Variants in PSTPIP1 observed in about 807,000 individuals in gnomAD.
The protein encoded by PSTPIP1 is proline-serine-threonine phosphatase-interacting protein 1.
Under a neutral mutation model 69.6 loss-of-function variants are expected in PSTPIP1, and 66 were observed. That is an observed-to-expected ratio of 0.95 (90% CI 0.78 to 1.16). The LOEUF is 1.16. Among genes scored for constraint, PSTPIP1 ranks in the 50% most tolerant of loss-of-function variants. PSTPIP1 has a pLI of 0.00. For missense variants in PSTPIP1, 603 were observed against 557.4 expected, an observed-to-expected ratio of 1.08 and a Z score of -0.82; for synonymous variants, 266 against 222.7, an observed-to-expected ratio of 1.19 and a Z score of -1.73.
chr15:77,008,140 T>A (rs938521688), intron 1 of PSTPIP1: 1 of 447,570 alleles, frequency 2.2e-6, no homozygotes, highest in Non-Finnish European at 4.5e-6. Flanking sequence ...CTGCAGTGAA[T>A]ACTAAACGCA....
At chr15:76,994,714 A>G (rs2075537486), upstream of PSTPIP1, 1 of 1,265,898 alleles carries the variant, frequency 7.9e-7, no homozygotes. Context: ...CCCCCAGAGC[A>G]CAGCTGTGTC....
intron 1 of PSTPIP1, among the ~76,000 whole-genome samples, chr15:77,014,586 G>A (rs1352621402): frequency 6.6e-6 from 1 of 152,254 alleles, no homozygotes; most frequent in Non-Finnish European, 1.5e-5. Context: ...GAAGTAAAGT[G>A]GCTTGCTTCA....
chr15:77,023,393 C>A (rs909489637), intron 3 of PSTPIP1, among the ~76,000 whole-genome samples: 2 of 152,048 alleles, frequency 1.3e-5, no homozygotes, highest in African/African-American at 4.8e-5. Context: ...AAGCAACGGG[C>A]GGAGGGGCAG....
At chr15:77,003,425 G>A (rs751120496) in intron 1 of PSTPIP1, among the ~76,000 whole-genome samples, 3 of 152,140 alleles carry the variant, frequency 2.0e-5, no homozygotes, top group Admixed American at 2.0e-4. Context: ...AGGCCGAGGC[G>A]GGTGGATCAT....
chr15:77,032,186 G>T, intron 10 of PSTPIP1, 112 bp from the exon 11 acceptor site: 2 of 1,058,836 alleles, frequency 1.9e-6, no homozygotes, highest in Non-Finnish European at 2.8e-6. Context: ...ACCCCGAGCC[G>T]CGCACAATGG....
chr15:77,012,590 T>C (rs1469725798), intron 1 of PSTPIP1, among the ~76,000 whole-genome samples: 1 of 152,182 alleles, frequency 6.6e-6, no homozygotes, highest in East Asian at 1.9e-4. Context: ...TGCCTCACTT[T>C]GCCAACCAGT....
chr15:77,035,479 C>A, intron 12 of PSTPIP1, 29 bp from the exon 13 acceptor site: 1 of 1,575,324 alleles, frequency 6.3e-7, no homozygotes, highest in Non-Finnish European at 8.6e-7. Context: ...GGGGCGGGGA[C>A]ACTCACCCTC....
chr15:77,009,517 T>C (rs992713903), intron 1 of PSTPIP1, among the ~76,000 whole-genome samples: 2 of 152,158 alleles, frequency 1.3e-5, no homozygotes, highest in African/African-American at 4.8e-5. Flanking sequence ...GAGCCACTAG[T>C]CTAGAGAAGT....
chr15:77,031,052 T>C lies in PSTPIP1; in HGVS notation c.643-128T>C, dbSNP rs114248616. 2.6e-3 allele frequency: 2,315 copies of C among 888,282 alleles called. 42 individuals carry two copies. The African/African-American group carries it at 0.035, about 13-fold the overall frequency. 55.0% of individuals were successfully genotyped at this position (888,282 alleles called of 1,614,324 possible). A position where few individuals can be genotyped will look rare whatever the true frequency, so the allele number is the denominator to read the frequency against. ...GGGATGGGGACCCCAGGGCACTCTC[T>C]CCTTTGGACTGGGCTTCCAGCAGAG... On this transcript the variant is annotated intron_variant, in intron 9 of 14. Coordinates refer to ENST00000558012, the MANE Select transcript of PSTPIP1 (RefSeq NM_003978.5).
At chr15:77,036,239 G>A (rs575555911) in intron 14 of PSTPIP1, among the ~76,000 whole-genome samples, 30 of 152,290 alleles carry the variant, frequency 2.0e-4, no homozygotes, top group African/African-American at 6.7e-4. Context: ...CAGCACACAC[G>A]TGGAGCACAT....
chr15:77,007,026 C>T (rs757257145), intron 1 of PSTPIP1, among the ~76,000 whole-genome samples: 5 of 152,260 alleles, frequency 3.3e-5, no homozygotes, highest in South Asian at 2.1e-4. Flanking sequence ...GCCACGAGTC[C>T]GTGACAAACT....
chr15:76,995,636 A>T, intron 1 of PSTPIP1, 27 bp downstream of exon 1: 1 of 1,612,750 alleles, frequency 6.2e-7, no homozygotes, highest in Non-Finnish European at 8.5e-7. Flanking sequence ...GGGGGCACTG[A>T]ACAAGTGGAG....
chr15:76,997,207 C>G (rs976219277), intron 1 of PSTPIP1, among the ~76,000 whole-genome samples: 2 of 152,254 alleles, frequency 1.3e-5, no homozygotes, highest in African/African-American at 2.4e-5. Flanking sequence ...CGTCGCACCT[C>G]TGGGCTTCCT....
intron 3 of PSTPIP1, 79 bp downstream of exon 3, chr15:77,018,610 C>A: frequency 2.2e-6 from 3 of 1,393,690 alleles, no homozygotes; most frequent in East Asian, 2.5e-5. Context: ...TTTAGGTCTT[C>A]CTGGCATGGG....
At chr15:77,026,079 T>G (rs1201325249) in intron 5 of PSTPIP1, 1 of 456,490 alleles carries the variant, frequency 2.2e-6, no homozygotes, top group Admixed American at 2.3e-5. Flanking sequence ...TGTATGGCAT[T>G]GCTTAGCATC....
chr15:77,027,688 G>A lies in PSTPIP1; in HGVS notation c.355-164G>A. 1 of 770,194 alleles carries A rather than the reference G, an allele frequency of 1.3e-6. No homozygotes were observed. The highest frequency in any genetic ancestry group is 2.2e-6 in the Non-Finnish European group (1 of 445,160). 47.7% of individuals were successfully genotyped at this position (770,194 alleles called of 1,614,324 possible). A position where few individuals can be genotyped will look rare whatever the true frequency, so the allele number is the denominator to read the frequency against. On this transcript the variant is annotated intron_variant, in intron 5 of 14. Coordinates refer to ENST00000558012, the MANE Select transcript of PSTPIP1 (RefSeq NM_003978.5). The surrounding 1 kb of genome is among the most constrained non-coding windows in gnomAD (Gnocchi z 4.3). ...TTCTCTGTGGCCTTCCATTGTGAGG[G>A]TCACTGTGAAGCAGCAGGCTCTGGG...
At chr15:77,028,707 G>A in intron 7 of PSTPIP1, 55 bp downstream of exon 7, 1 of 1,401,750 alleles carries the variant, frequency 7.1e-7, no homozygotes, top group Non-Finnish European at 9.6e-7. Context: ...CAGTGGGGGA[G>A]GCAAGGAAGG....
upstream of PSTPIP1, chr15:76,994,797 A>G: frequency 7.8e-7 from 1 of 1,289,008 alleles, no homozygotes; most frequent in African/African-American, 1.5e-5. Flanking sequence ...TTGATGAATG[A>G]CAGATGCCCT....
Position 77,029,562 on chromosome 15 carries a change from G to T in PSTPIP1, c.550G>T (p.Ala184Ser). Residue 184 changes from alanine to serine, a missense_variant, in exon 8 of 15, where the codon GCC (alanine) becomes TCC (serine). Transcript: ENST00000558012. Reference protein sequence around the residue: ...QNKARQCKDSATEAERVYRQS... With the variant: ...QNKARQCKDSSTEAERVYRQS... ...CAAAGCCAGGCAGTGCAAGGACTCG[G>T]CCACCGAGGCAGGTATGTGGGCCTG... is the stretch of plus-strand genomic sequence containing the variant. 6.3e-7 allele frequency: 1 copy of T among 1,582,396 alleles called. No individual in the cohort carries two copies.
Sources: allele counts gnomAD v4.1 joint callset (sites outside exome capture counted in the v4.1 genomes callset), GRCh38; gene constraint gnomAD v4.1.1; non-coding constraint Gnocchi (gnomAD v3.1); transcripts MANE v1.5; gene names NCBI Gene and HGNC (gene_info 2026-07-23, HGNC 2026-07-21).